The following P4HA3 variants were observed in gnomAD, a reference collection of about 807,000 sequenced individuals.
The protein encoded by P4HA3 is prolyl 4-hydroxylase subunit alpha 3, also known as prolyl 4-hydroxylase subunit alpha-3.
A neutral mutation model predicts 66.7 loss-of-function variants in P4HA3; 60 were observed. That is an observed-to-expected ratio of 0.90 (90% CI 0.73 to 1.12). The LOEUF is 1.12. P4HA3 is among the 50% of genes most tolerant of loss of function. The probability of loss-of-function intolerance (pLI) is 0.00; values close to 1 mark genes in which losing one functional copy is unlikely to be tolerated. For missense variants in P4HA3, 683 were observed against 685.8 expected (o/e 1.00, Z 0.05); for synonymous variants, 263 against 274.6 (o/e 0.96, Z 0.42).
At chr11:74,280,646 G>A (rs1396111095) in intron 7 of P4HA3, among the ~76,000 whole-genome samples, 2 of 152,186 alleles carry the variant, frequency 1.3e-5, no homozygotes, top group Non-Finnish European at 2.9e-5. Context: ...ACCTGGTGGT[G>A]GAGTAGGTGC....
At chr11:74,301,764 T>C (rs556050588) in intron 3 of P4HA3, among the ~76,000 whole-genome samples, 2 of 152,140 alleles carry the variant, frequency 1.3e-5, no homozygotes, top group East Asian at 3.9e-4. Flanking sequence ...GGGGCGGGGG[T>C]GTTCCTGAAG....
chr11:74,297,661 T>C (rs1280555139), intron 4 of P4HA3, among the ~76,000 whole-genome samples: 5 of 152,004 alleles, frequency 3.3e-5, no homozygotes, highest in Non-Finnish European at 5.9e-5. Context: ...CAAGGAAAAA[T>C]AACACCTGGA....
intron 9 of P4HA3, among the ~76,000 whole-genome samples, 174 bp from the exon 10 acceptor site, chr11:74,273,781 ATTT>A (rs66713314): frequency 6.6e-6 from 1 of 150,796 alleles, no homozygotes; most frequent in African/African-American, 2.4e-5. Flanking sequence ...ACTCAATACA[ATTT>A]TTTTTTTTAC....
At chr11:74,292,779 G>T (rs1055929106) in intron 4 of P4HA3, among the ~76,000 whole-genome samples, 1 of 152,146 alleles carries the variant, frequency 6.6e-6, no homozygotes. Context: ...TTAATCCTGA[G>T]TTCTAGTTTG....
rs923968396 is a variant in P4HA3, at chr11:74,267,457, A to C, written c.1565-139T>G. ...CCTAGGTAACTCACTTGCCCAGCCTAGTCCTGGCCTCACTATGGACTACAA... is the reference window on the plus strand; with the variant it reads ...CCTAGGTAACTCACTTGCCCAGCCTCGTCCTGGCCTCACTATGGACTACAA... On this transcript the variant is annotated intron_variant, in intron 12 of 12. Coordinates refer to ENST00000331597, the MANE Select transcript of P4HA3 (RefSeq NM_182904.5). The C allele has an allele frequency of 1.5e-4, 153 of 1,030,020 alleles. 1 individual carries two copies. The highest frequency in any genetic ancestry group is 3.0e-5 in the Non-Finnish European group (22 of 723,052). 63.8% of individuals were successfully genotyped at this position (1,030,020 alleles called of 1,614,324 possible). A position where few individuals can be genotyped will look rare whatever the true frequency, so the allele number is the denominator to read the frequency against.
Position 74,285,860 on chromosome 11 carries a change from G to A in P4HA3, c.1059C>T (p.Asp353=), listed in dbSNP as rs1262104662. Residue 353 remains aspartate (D), a synonymous_variant, in exon 7 of 13, where the codon GAC becomes GAT. Transcript: ENST00000331597. ...HLEPYIALYH[D]FVSDSEAQKI... is the part of the protein sequence containing the mutation. ...TCTGAGCCTCTGAGTCACTGACGAA[G>A]TCATGGTAGAGAGCAATGTAGGGCT... The A allele has an allele frequency of 6.8e-6, 11 of 1,614,002 alleles. No homozygotes were observed. Among genetic ancestry groups the A allele is most frequent in the Non-Finnish European group, 9.3e-6 (11 of 1,179,984 alleles).
chr11:74,261,450 G>C (rs963783904), intron 14 of P4HA3, among the ~76,000 whole-genome samples: 9 of 152,172 alleles, frequency 5.9e-5, no homozygotes, highest in Admixed American at 2.0e-4. Flanking sequence ...CTGGTCCATG[G>C]GTTTACCTGG....
Position 74,276,678 on chromosome 11 carries a change from C to G in P4HA3, c.1335+307G>C, listed in dbSNP as rs185260937. Among the ~76,000 whole-genome samples the G allele has an allele frequency of 3.8e-3, 579 of 152,236 alleles. 5 individuals are homozygous for G. Among genetic ancestry groups the G allele is most frequent in the African/African-American group, 0.013 (550 of 41,530 alleles). On this transcript the variant is annotated intron_variant, in intron 9 of 12. Transcript: ENST00000331597. ...AAGATGGCCAGTTGAGATCATGAGGCTAGAAGAGTTACTGGAGGAAGGACA... is the reference window on the plus strand; with the variant it reads ...AAGATGGCCAGTTGAGATCATGAGGGTAGAAGAGTTACTGGAGGAAGGACA...
chr11:74,251,105 G>T, intron 15 of P4HA3: 3 of 1,534,518 alleles, frequency 2.0e-6, no homozygotes, highest in Non-Finnish European at 2.6e-6. Flanking sequence ...GTCTCAGCCT[G>T]CATTGCCTGC....
chr11:74,305,145 G>T (rs1009217556), intron 1 of P4HA3, among the ~76,000 whole-genome samples: 3 of 152,114 alleles, frequency 2.0e-5, no homozygotes, highest in African/African-American at 7.2e-5. Context: ...CCTGGCCCAG[G>T]GGTTGGGGAC....
At position 74,266,792 on chromosome 11, in the gene P4HA3, C is replaced by T. The variant is rs1051513542; in HGVS notation, c.*456G>A. 2.1e-6 allele frequency: 1 copy of T among 476,188 alleles called. No individual in the cohort carries two copies. Among genetic ancestry groups the T allele is most frequent in the Non-Finnish European group, 3.7e-6 (1 of 270,172 alleles). 29.5% of individuals were successfully genotyped at this position (476,188 alleles called of 1,614,324 possible). A position where few individuals can be genotyped will look rare whatever the true frequency, so the allele number is the denominator to read the frequency against. ...TATGCTTCTGGGAGGGGGACACTCCCTGCTTGGGCTGCAGCAGAAGGCAGT... is the reference window on the plus strand; with the variant it reads ...TATGCTTCTGGGAGGGGGACACTCCTTGCTTGGGCTGCAGCAGAAGGCAGT... On this transcript the variant is annotated 3_prime_UTR_variant, in exon 13 of 13. Coordinates refer to ENST00000331597, the MANE Select transcript of P4HA3 (RefSeq NM_182904.5).
intron 1 of P4HA3, among the ~76,000 whole-genome samples, chr11:74,308,178 T>C (rs886960407): frequency 2.0e-5 from 3 of 152,124 alleles, no homozygotes; most frequent in Admixed American, 6.6e-5. Context: ...ATTGGGAGTA[T>C]AGAAAAATTA....
At chr11:74,268,328 T>C in intron 11 of P4HA3, 87 bp from the exon 12 acceptor site, 2 of 1,109,372 alleles carry the variant, frequency 1.8e-6, no homozygotes, top group Non-Finnish European at 2.7e-6. Context: ...TGCAGGCATG[T>C]CATTGAAGAA....
At chr11:74,305,709 G>A (rs943469896) in intron 1 of P4HA3, among the ~76,000 whole-genome samples, 17 of 152,122 alleles carry the variant, frequency 1.1e-4, no homozygotes, top group Admixed American at 6.5e-4. Context: ...AAGGCAAGAC[G>A]AGGTCTAATA....
At chr11:74,308,651 C>A (rs1591142974) in intron 1 of P4HA3, among the ~76,000 whole-genome samples, 1 of 152,092 alleles carries the variant, frequency 6.6e-6, no homozygotes, top group African/African-American at 2.4e-5. Flanking sequence ...TCATAAGTCA[C>A]CTGAGAAAAT....
chr11:74,251,287 C>T, intron 15 of P4HA3: 4 of 1,359,554 alleles, frequency 2.9e-6, no homozygotes, highest in Middle Eastern at 2.8e-4. Context: ...TCCAATACCC[C>T]CAAAAGCCAG....
intron 7 of P4HA3, among the ~76,000 whole-genome samples, chr11:74,282,130 T>TA (rs35940874): frequency 0.16 from 21,580 of 135,204 alleles, 1,826 homozygotes; most frequent in East Asian, 0.31. Context: ...ATCAATGGTT[T>TA]AAAAAAAAAA....
At chr11:74,286,535 G>A (rs532358072) in intron 5 of P4HA3, 144 bp from the exon 6 acceptor site, 2 of 647,436 alleles carry the variant, frequency 3.1e-6, no homozygotes, top group Non-Finnish European at 2.4e-6. Flanking sequence ...CAACACACAG[G>A]AGGATGCAAG....
At chr11:74,311,246 C>T (rs1861733466) in intron 1 of P4HA3, 166 bp downstream of exon 1, 3 of 829,782 alleles carry the variant, frequency 3.6e-6, no homozygotes, top group African/African-American at 1.8e-5. Context: ...AGAGCCACTC[C>T]CCACCCCATG....
Sources: allele counts gnomAD v4.1 joint callset (sites outside exome capture counted in the v4.1 genomes callset), GRCh38; gene constraint gnomAD v4.1.1; transcripts MANE v1.5; gene names NCBI Gene and HGNC (gene_info 2026-07-23, HGNC 2026-07-21).